Variants in DPY19L1 observed in about 807,000 individuals in gnomAD.
DPY19L1 encodes dpy-19 like C-mannosyltransferase 1.
In DPY19L1, 35 loss-of-function variants were observed where a neutral mutation model predicts 96.9. That is an observed-to-expected ratio of 0.36 (90% CI 0.28 to 0.48). The LOEUF (loss-of-function observed/expected upper bound fraction) is 0.48. DPY19L1 is among the 20% of genes least tolerant of loss of function. The probability of loss-of-function intolerance (pLI) is 0.99; values close to 1 mark genes in which losing one functional copy is unlikely to be tolerated. For missense variants in DPY19L1, 521 were observed against 777.9 expected (o/e 0.67, Z 3.93); for synonymous variants, 205 against 252.6 (o/e 0.81, Z 1.79).
intron 1 of DPY19L1, among the ~76,000 whole-genome samples, chr7:35,031,959 G>A (rs1365018359): frequency 1.3e-5 from 2 of 152,180 alleles, no homozygotes; most frequent in Non-Finnish European, 2.9e-5. Context: ...CTGGTGCTCA[G>A]TTGGGTCTAT....
chr7:35,023,833 C>CTTTTTTTTTTTTTTTTTTTTTTT (rs755619806), intron 1 of DPY19L1, among the ~76,000 whole-genome samples: 1 of 111,810 alleles, frequency 8.9e-6, no homozygotes, highest in Non-Finnish European at 1.8e-5. Flanking sequence ...CTTTTCTTTT[C>CTTTTTTTTTTTTTTTTTTTTTTT]TTTTTTTTTT....
intron 12 of DPY19L1, among the ~76,000 whole-genome samples, 184 bp from the exon 13 acceptor site, chr7:34,954,962 AAAT>A: frequency 6.7e-6 from 1 of 149,482 alleles, no homozygotes; most frequent in African/African-American, 2.5e-5. Flanking sequence ...CAGTAACTAA[AAAT>A]AAAAATATAA....
chr7:35,019,218 C>G (rs1347183393), intron 1 of DPY19L1, among the ~76,000 whole-genome samples: 1 of 152,130 alleles, frequency 6.6e-6, no homozygotes. Flanking sequence ...CAAGATACAG[C>G]TGATGGCAGG....
chr7:34,969,315 A>G (rs1365644450), intron 9 of DPY19L1, 118 bp downstream of exon 9: 3 of 490,466 alleles, frequency 6.1e-6, no homozygotes, highest in Non-Finnish European at 1.0e-5. Flanking sequence ...TTTCCTAGAA[A>G]ATGTTTTAGT....
At chr7:35,031,213 ATAG>A (rs1190697693) in intron 1 of DPY19L1, among the ~76,000 whole-genome samples, 2 of 152,344 alleles carry the variant, frequency 1.3e-5, no homozygotes, top group East Asian at 1.9e-4. Flanking sequence ...CAGATTGAAA[ATAG>A]TAGGCGGAAA....
chr7:34,996,257 C>G (rs531016990), intron 6 of DPY19L1, among the ~76,000 whole-genome samples: 9 of 152,294 alleles, frequency 5.9e-5, no homozygotes, highest in African/African-American at 2.2e-4. Context: ...CACACCACAC[C>G]TCATGTCATT....
At chr7:34,997,676 A>G (rs1477778198) in intron 6 of DPY19L1, among the ~76,000 whole-genome samples, 2 of 151,602 alleles carry the variant, frequency 1.3e-5, no homozygotes, top group Admixed American at 1.3e-4. Context: ...AGCCTATTTA[A>G]GATGTGTTTT....
chr7:35,021,656 T>C (rs1304299216), intron 1 of DPY19L1, among the ~76,000 whole-genome samples: 6 of 152,202 alleles, frequency 3.9e-5, no homozygotes, highest in African/African-American at 1.2e-4. Flanking sequence ...CACAGAGTAG[T>C]TGAGTAACTT....
At chr7:35,010,605 A>G (rs7782779) in intron 5 of DPY19L1, 44 bp from the exon 6 acceptor site, 246,563 of 1,222,660 alleles carry the variant, frequency 0.2, 27,785 homozygotes, top group Admixed American at 0.42. Context: ...CATTAACCCA[A>G]ATTACCTTAC....
At chr7:35,028,542 T>C (rs1786183154) in intron 1 of DPY19L1, among the ~76,000 whole-genome samples, 1 of 152,200 alleles carries the variant, frequency 6.6e-6, no homozygotes. Context: ...TTAAAAGTCT[T>C]ATCCTCACAT....
intron 7 of DPY19L1, among the ~76,000 whole-genome samples, chr7:34,979,236 T>C (rs991934067): frequency 6.6e-6 from 1 of 152,082 alleles, no homozygotes; most frequent in Non-Finnish European, 1.5e-5. Context: ...TCATCTAAAA[T>C]AGAAAATATA....
At chr7:34,956,375 G>T (rs1371574601) in intron 11 of DPY19L1, among the ~76,000 whole-genome samples, 1 of 152,002 alleles carries the variant, frequency 6.6e-6, no homozygotes, top group Non-Finnish European at 1.5e-5. Flanking sequence ...CCAAAGTTAT[G>T]ATTTTTCTTG....
rs951822646 is a variant in DPY19L1 at position 34,929,206 on chromosome 7, G to C, written c.*2367C>G. The C allele has an allele frequency of 6.6e-6, 1 of 152,160 alleles. No homozygotes were observed. The highest frequency in any genetic ancestry group is 2.4e-5 in the African/African-American group (1 of 41,428). 9.4% of individuals were successfully genotyped at this position (152,160 alleles called of 1,614,324 possible). ...AAATGCTAACAATATGCAAAACACT[G>C]AGCTTTAATACTGTTTTGTACGCCT... is the stretch of plus-strand genomic sequence containing the variant. On this transcript the variant is annotated 3_prime_UTR_variant, in exon 22 of 22. Transcript: ENST00000638088.
At chr7:34,984,431 T>G (rs186236626) in intron 7 of DPY19L1, among the ~76,000 whole-genome samples, 1 of 152,144 alleles carries the variant, frequency 6.6e-6, no homozygotes, top group African/African-American at 2.4e-5. Flanking sequence ...GAAGGGCCAA[T>G]AGGGCTGAAG....
chr7:35,009,867 T>C (rs922921025), intron 6 of DPY19L1, among the ~76,000 whole-genome samples: 1 of 152,156 alleles, frequency 6.6e-6, no homozygotes, highest in Non-Finnish European at 1.5e-5. Context: ...TACTGTTCCA[T>C]AACAATATAT....
At chr7:34,955,259 A>C (rs752488709) in intron 12 of DPY19L1, 49 bp downstream of exon 12, 1 of 1,540,118 alleles carries the variant, frequency 6.5e-7, no homozygotes, top group African/African-American at 1.4e-5. Flanking sequence ...AACCAATGAT[A>C]TATTTTAGAG....
chr7:34,990,112 T>C (rs1456818434), intron 6 of DPY19L1, among the ~76,000 whole-genome samples, 171 bp from the exon 7 acceptor site: 1 of 152,172 alleles, frequency 6.6e-6, no homozygotes, highest in African/African-American at 2.4e-5. Context: ...AGATCATTAG[T>C]CAAAATAATC....
chr7:35,014,193 A>T lies in DPY19L1; in HGVS notation c.412-488T>A, dbSNP rs1328942873. ...AATGCAAATGTGTTGAGAAGGCTAC[A>T]CACTGATGTATTATTACATATGAAT... On this transcript the variant is annotated intron_variant, in intron 3 of 21. Transcript: ENST00000638088. 2.6e-5 allele frequency among the ~76,000 whole-genome samples: 4 copies of T among 152,166 alleles called. No individual in the cohort carries two copies. In the East Asian group the frequency reaches 5.8e-4, roughly 22 times the overall value.
At chr7:34,984,629 A>G (rs537308297) in intron 7 of DPY19L1, among the ~76,000 whole-genome samples, 5 of 152,208 alleles carry the variant, frequency 3.3e-5, no homozygotes, top group African/African-American at 7.2e-5. Flanking sequence ...TGTAGGTTTA[A>G]TAAGTTCACA....
Sources: allele counts gnomAD v4.1 joint callset (sites outside exome capture counted in the v4.1 genomes callset), GRCh38; gene constraint gnomAD v4.1.1; transcripts MANE v1.5; gene names NCBI Gene and HGNC (gene_info 2026-07-23, HGNC 2026-07-21).